Variants in ROBO2 observed in about 807,000 individuals in gnomAD.
ROBO2 encodes the protein roundabout guidance receptor 2, also known as roundabout homolog 2.
Under a neutral mutation model 160.8 loss-of-function variants are expected in ROBO2, and 53 were observed. That is an observed-to-expected ratio of 0.33 (90% CI 0.26 to 0.41). The LOEUF (loss-of-function observed/expected upper bound fraction) is 0.41. Among genes scored for constraint, ROBO2 ranks in the 10% least tolerant of loss-of-function variants. The pLI, the probability that ROBO2 is intolerant of heterozygous loss-of-function variation, is 1.00. For synonymous variants in ROBO2, 664 were observed against 611.7 expected (o/e 1.09, Z -1.26); for missense variants, 1,577 against 1,722.4 (o/e 0.92, Z 1.49).
In ROBO2 at chr3:77,098,663, C is replaced by T. The variant is rs189616172; in HGVS notation, c.388+323C>T. Among the ~76,000 whole-genome samples, 67 of 151,884 alleles carry T rather than the reference C, an allele frequency of 4.4e-4. 1 individual carries two copies. In the East Asian group the frequency reaches 0.01, roughly 24 times the overall value. ...GAGATCGAGACCATCCTGGGTAACA[C>T]GGTGAAACCCCGTCTCTACAAAAAA... is the stretch of plus-strand genomic sequence containing the variant. On this transcript the variant is annotated intron_variant, in intron 2 of 25. Coordinates refer to ENST00000461745, the Ensembl canonical transcript of ROBO2.
chr3:76,073,582 C>T (rs183511435), intron 2 of ROBO2, among the ~76,000 whole-genome samples: 365 of 151,976 alleles, frequency 2.4e-3, no homozygotes, highest in African/African-American at 8.5e-3. Context: ...TGAGCTACCG[C>T]GCCCGGCAGA....
At chr3:76,858,272 A>T (rs1387531906) in intron 2 of ROBO2, among the ~76,000 whole-genome samples, 1 of 152,086 alleles carries the variant, frequency 6.6e-6, no homozygotes, top group African/African-American at 2.4e-5. Flanking sequence ...ACACTCAGTA[A>T]ATAGCTTTGT....
intron 2 of ROBO2, among the ~76,000 whole-genome samples, chr3:77,379,969 T>C (rs2073221365): frequency 6.6e-6 from 1 of 152,194 alleles, no homozygotes. Flanking sequence ...TCTGTCTTTT[T>C]ATCCCCAGGG....
chr3:76,004,593 G>A (rs1044397085), intron 2 of ROBO2, among the ~76,000 whole-genome samples: 8 of 151,978 alleles, frequency 5.3e-5, no homozygotes, highest in African/African-American at 1.9e-4. Context: ...TTGTCTCCTC[G>A]CATTGTAGAA....
intron 1 of ROBO2, among the ~76,000 whole-genome samples, chr3:75,930,449 G>T (rs1010192232): frequency 6.6e-6 from 1 of 152,018 alleles, no homozygotes; most frequent in Non-Finnish European, 1.5e-5. Context: ...CCCACCATTA[G>T]TAGAACAATT....
chr3:76,250,123 A>C (rs1444425761), intron 2 of ROBO2, among the ~76,000 whole-genome samples: 7 of 152,064 alleles, frequency 4.6e-5, no homozygotes, highest in Non-Finnish European at 8.8e-5. Flanking sequence ...TGTAATATCA[A>C]AATTGTATTC....
rs531923975 is a variant in ROBO2, at chr3:76,826,446, C to T, written c.110-271568C>T. Among the ~76,000 whole-genome samples, 8 of 152,098 alleles carry T rather than the reference C, an allele frequency of 5.3e-5. No homozygotes were observed. The East Asian group carries it at 5.8e-4, about 11-fold the overall frequency. ...CAGTGGATGAGTTTATTTATTATTACGTCATAGCACTTTTATACTATGAAA... is the reference window on the plus strand; with the variant it reads ...CAGTGGATGAGTTTATTTATTATTATGTCATAGCACTTTTATACTATGAAA... On this transcript the variant is annotated intron_variant, in intron 2 of 26. Transcript: ENST00000487694.
rs1044588327 is a variant in ROBO2, at chr3:77,269,627, A to G, written c.388+171287A>G. Among the ~76,000 whole-genome samples, 3 of 151,570 alleles carry G rather than the reference A, an allele frequency of 2.0e-5. No homozygotes were observed. In the East Asian group the frequency reaches 5.8e-4, roughly 29 times the overall value. On this transcript the variant is annotated intron_variant, in intron 2 of 25. Transcript: ENST00000461745. ...AGTTTTCCAAGATGTGTGTGTATCA[A>G]TATATTTGCCTATAAAAAGGAACCA...
rs2082357310 is a variant in ROBO2, at chr3:76,533,897, G to A, written c.110-564117G>A. On this transcript the variant is annotated intron_variant, in intron 2 of 26. Coordinates refer to the ROBO2 transcript ENST00000487694. ...ATAGTGGTGGAAGGTCATATGGAGGGTCAATCGGTGAAGGCAGGAACTGAG... is the reference window on the plus strand; with the variant it reads ...ATAGTGGTGGAAGGTCATATGGAGGATCAATCGGTGAAGGCAGGAACTGAG... Among the ~76,000 whole-genome samples, 3 of 152,054 alleles carry A rather than the reference G, an allele frequency of 2.0e-5. No homozygotes were observed. The South Asian group carries it at 6.2e-4, about 32-fold the overall frequency.
intron 2 of ROBO2, among the ~76,000 whole-genome samples, chr3:76,481,676 A>T (rs1010566613): frequency 6.6e-6 from 1 of 152,090 alleles, no homozygotes; most frequent in African/African-American, 2.4e-5. Context: ...TAAACCAGGA[A>T]CTCTGTGAGT....
At chr3:76,417,999 G>A (rs564888767) in intron 2 of ROBO2, among the ~76,000 whole-genome samples, 1 of 152,018 alleles carries the variant, frequency 6.6e-6, no homozygotes, top group South Asian at 2.1e-4. Context: ...AACAAGTCCT[G>A]AACAGTCTCC....
chr3:77,185,092 A>G (rs111878484), intron 2 of ROBO2, among the ~76,000 whole-genome samples: 4,643 of 152,132 alleles, frequency 0.031, 240 homozygotes, highest in African/African-American at 0.1. Context: ...TGCCATAAAC[A>G]GAATTGTCAA....
chr3:76,529,218 G>A (rs1239803269), intron 2 of ROBO2, among the ~76,000 whole-genome samples: 2 of 152,156 alleles, frequency 1.3e-5, no homozygotes, highest in East Asian at 1.9e-4. Flanking sequence ...ACCAAAGATA[G>A]ACAGCAAAAG....
At chr3:77,214,276 A>G (rs1284314174) in intron 2 of ROBO2, among the ~76,000 whole-genome samples, 2 of 152,130 alleles carry the variant, frequency 1.3e-5, no homozygotes, top group Admixed American at 6.6e-5. Flanking sequence ...TATTGGGTGC[A>G]TATATATTTA....
intron 2 of ROBO2, among the ~76,000 whole-genome samples, chr3:76,242,659 G>C (rs1035791404): frequency 1.3e-5 from 2 of 152,148 alleles, no homozygotes; most frequent in African/African-American, 4.8e-5. Flanking sequence ...GCTGCGGTGG[G>C]AGGATTGCTT....
chr3:76,325,466 T>A (rs2072934631), intron 2 of ROBO2, among the ~76,000 whole-genome samples: 1 of 152,168 alleles, frequency 6.6e-6, no homozygotes, highest in South Asian at 2.1e-4. Flanking sequence ...ATAAATAATT[T>A]AAAAATTACC....
chr3:77,103,303 C>G (rs907701971), intron 2 of ROBO2, among the ~76,000 whole-genome samples: 2 of 152,168 alleles, frequency 1.3e-5, no homozygotes, highest in Non-Finnish European at 2.9e-5. Flanking sequence ...GTTTCCTTTT[C>G]TCAGCACTGT....
At chr3:76,016,505 C>G (rs1157786499) in intron 2 of ROBO2, among the ~76,000 whole-genome samples, 1 of 151,584 alleles carries the variant, frequency 6.6e-6, no homozygotes, top group African/African-American at 2.4e-5. Context: ...TGAAGCCTGT[C>G]TGCTTTTTTT....
chr3:77,625,012 G>A (rs1339856834), intron 23 of ROBO2, among the ~76,000 whole-genome samples: 1 of 152,102 alleles, frequency 6.6e-6, no homozygotes, highest in Non-Finnish European at 1.5e-5. Context: ...TGCCACATTA[G>A]GGAATATATC....
Sources: gnomAD v4.1 joint callset for allele counts (sites outside exome capture counted in the v4.1 genomes callset) on GRCh38, gnomAD v4.1.1 for gene constraint, MANE v1.5 for transcripts, NCBI Gene and HGNC (gene_info 2026-07-23, HGNC 2026-07-21) for gene names.